FKBP6: variants seen among roughly 807,000 people sequenced by gnomAD.
The protein encoded by FKBP6 is inactive peptidyl-prolyl cis-trans isomerase FKBP6.
In FKBP6, 29 loss-of-function variants were observed where a neutral mutation model predicts 41.7. The ratio of observed to expected loss-of-function variants is 0.70; its 90% confidence interval spans 0.52 to 0.95. The LOEUF (loss-of-function observed/expected upper bound fraction) is 0.95, where lower values mean the gene tolerates loss of function less well. Among genes scored for constraint, FKBP6 ranks in the 40% least tolerant of loss-of-function variants. The pLI is 0.00. For synonymous variants in FKBP6, 130 were observed against 165.1 expected (o/e 0.79, Z 1.63); for missense variants, 338 against 408.7 (o/e 0.83, Z 1.49).
intron 5 of FKBP6, among the ~76,000 whole-genome samples, chr7:73,333,042 C>T (rs938992045): frequency 3.9e-5 from 6 of 152,076 alleles, no homozygotes; most frequent in Admixed American, 3.3e-4. Context: ...GAGGCTGAGG[C>T]GAGTGGATAG....
Position 73,340,736 on chromosome 7 carries a change from C to A in FKBP6, c.687C>A (p.Tyr229Ter). The change falls in exon 6 of 9, where the codon TAC (tyrosine) becomes TAA (stop). Residue 229 changes from tyrosine (Y) to a stop codon, truncating the protein, a stop_gained. Coordinates refer to ENST00000252037, the MANE Select transcript of FKBP6 (RefSeq NM_003602.5). LOFTEE classifies it high-confidence loss of function. ...TTCTCCTGAACCTGTCCTTTACATACCTGAAGCTAGACCGACCCACCATAG... is the reference window on the plus strand; with the variant it reads ...TTCTCCTGAACCTGTCCTTTACATAACTGAAGCTAGACCGACCCACCATAG... ...LPVLLNLSFT[Y>*]LKLDRPTIAL... 6.2e-7 allele frequency: 1 copy of A among 1,613,864 alleles called. No individual in the cohort carries two copies. The highest frequency in any genetic ancestry group is 8.5e-7 in the Non-Finnish European group (1 of 1,179,934).
At position 73,357,837 on chromosome 7, in the gene FKBP6, A is replaced by C. The variant is rs944623748; in HGVS notation, c.*3-344A>C. 9.9e-5 allele frequency among the ~76,000 whole-genome samples: 15 copies of C among 151,996 alleles called. 1 individual carries two copies. The highest frequency in any genetic ancestry group is 3.6e-4 in the African/African-American group (15 of 41,482). On this transcript the variant is annotated intron_variant, in intron 8 of 8. Coordinates refer to ENST00000252037, the MANE Select transcript of FKBP6 (RefSeq NM_003602.5). ...CTGTCTCTACTAAAAATGCAAAAAA[A>C]AGTATCCAGGCGTGGTGGTGCGTGC...
chr7:73,330,085 GA>G (rs1804787632), intron 3 of FKBP6, 64 bp from the exon 4 acceptor site: 1 of 1,244,978 alleles, frequency 8.0e-7, no homozygotes, highest in Non-Finnish European at 1.2e-6. Flanking sequence ...AGAGGGGGAA[GA>G]AACTGATAGC....
chr7:73,333,528 T>C (rs962766745), intron 5 of FKBP6, among the ~76,000 whole-genome samples: 2 of 152,112 alleles, frequency 1.3e-5, no homozygotes, highest in South Asian at 4.1e-4. Flanking sequence ...TCCAGAAAGC[T>C]CTTAACATAA....
At chr7:73,348,121 T>C (rs1330351004) in intron 8 of FKBP6, among the ~76,000 whole-genome samples, 1 of 152,068 alleles carries the variant, frequency 6.6e-6, no homozygotes, top group Non-Finnish European at 1.5e-5. Context: ...GTCATCTTGT[T>C]ATGGGACACC....
chr7:73,351,967 G>A (rs1347928805), intron 8 of FKBP6, among the ~76,000 whole-genome samples: 1 of 152,062 alleles, frequency 6.6e-6, no homozygotes, highest in African/African-American at 2.4e-5. Flanking sequence ...GGGTGAAGCT[G>A]AATCACTTTT....
At chr7:73,328,920 C>G (rs1804732142) in intron 2 of FKBP6, among the ~76,000 whole-genome samples, 1 of 152,082 alleles carries the variant, frequency 6.6e-6, no homozygotes, top group Non-Finnish European at 1.5e-5. Flanking sequence ...GATTCTCCTG[C>G]CTCAGCCTCC....
chr7:73,347,885 TCCTC>T (rs1406900999), intron 8 of FKBP6, among the ~76,000 whole-genome samples: 1 of 152,200 alleles, frequency 6.6e-6, no homozygotes, highest in Non-Finnish European at 1.5e-5. Flanking sequence ...GCTCAAGTGA[TCCTC>T]CCTCCTTGGC....
Position 73,328,523 on chromosome 7 carries a change from G to T in FKBP6, c.57+38G>T, listed in dbSNP as rs1284436349. On this transcript the variant is annotated intron_variant, in intron 1 of 8. Transcript: ENST00000252037. ...ACGTTTCGGGGGCGTAGACGCTGAG[G>T]GGTGGCCGGGTGGGTCTGCGGCTCT... 5.2e-6 allele frequency: 8 copies of T among 1,552,406 alleles called. No homozygotes were observed. In the Admixed American group the frequency reaches 1.1e-4, roughly 22 times the overall value.
chr7:73,347,149 G>A (rs1467620750), intron 8 of FKBP6, among the ~76,000 whole-genome samples: 1 of 152,136 alleles, frequency 6.6e-6, no homozygotes, highest in Non-Finnish European at 1.5e-5. Context: ...CTTCTAGGTT[G>A]TTTTGCTAGT....
intron 5 of FKBP6, among the ~76,000 whole-genome samples, chr7:73,333,943 G>A (rs1172912144): frequency 6.6e-6 from 1 of 152,026 alleles, no homozygotes; most frequent in Non-Finnish European, 1.5e-5. Flanking sequence ...GTGTTGGTGG[G>A]TGCCCATAGT....
intron 5 of FKBP6, among the ~76,000 whole-genome samples, chr7:73,338,841 G>A (rs1467472130): frequency 6.6e-6 from 1 of 152,212 alleles, no homozygotes; most frequent in Non-Finnish European, 1.5e-5. Flanking sequence ...GTACTGAGGA[G>A]TAAATGTTGC....
At chr7:73,328,747 A>G (rs1804725342) in intron 2 of FKBP6, 55 bp downstream of exon 2, 3 of 1,611,326 alleles carry the variant, frequency 1.9e-6, no homozygotes, top group Non-Finnish European at 1.7e-6. Context: ...TCTGTTGGGA[A>G]GAGAGAGGCC....
Position 73,340,720 on chromosome 7 carries a change from A to C in FKBP6, c.671A>C (p.Asn224Thr). ...GCCGCCAAGCTTCCTGTTCTCCTGA[A>C]CCTGTCCTTTACATACCTGAAGCTA... ...VEAAKLPVLL[N>T]LSFTYLKLDR... Residue 224 changes from asparagine to threonine, a missense_variant, in exon 6 of 9, where the codon AAC (asparagine) becomes ACC (threonine). Coordinates refer to ENST00000252037, the MANE Select transcript of FKBP6 (RefSeq NM_003602.5). 1 of 1,613,466 alleles carries C rather than the reference A, an allele frequency of 6.2e-7. No individual in the cohort carries two copies.
At chr7:73,332,328 A>G (rs1015205357) in intron 5 of FKBP6, among the ~76,000 whole-genome samples, 1 of 151,990 alleles carries the variant, frequency 6.6e-6, no homozygotes, top group Non-Finnish European at 1.5e-5. Context: ...TACTAAAAAT[A>G]CAAAATTAGC....
At chr7:73,348,535 CACCA>C (rs1454607830) in intron 8 of FKBP6, among the ~76,000 whole-genome samples, 1 of 152,234 alleles carries the variant, frequency 6.6e-6, no homozygotes, top group Admixed American at 6.5e-5. Context: ...ATTTTCCCCA[CACCA>C]ACCAATTCTG....
chr7:73,349,712 C>CAAA (rs1213747722), intron 8 of FKBP6, among the ~76,000 whole-genome samples: 20 of 27,686 alleles, frequency 7.2e-4, no homozygotes, highest in Non-Finnish European at 9.6e-4. Flanking sequence ...GACTCCGTCT[C>CAAA]AAAAAAAAAA....
chr7:73,334,138 A>G (rs1459680998), intron 5 of FKBP6, among the ~76,000 whole-genome samples: 2 of 152,026 alleles, frequency 1.3e-5, no homozygotes, highest in African/African-American at 2.4e-5. Flanking sequence ...TCTTACTACT[A>G]CTTAGGTTCT....
chr7:73,349,900 G>T (rs989374204), intron 8 of FKBP6, among the ~76,000 whole-genome samples: 1 of 151,876 alleles, frequency 6.6e-6, no homozygotes, highest in Admixed American at 6.6e-5. Context: ...AGGTTGCTTC[G>T]GCCCTTCCCT....
Sources: allele counts gnomAD v4.1 joint callset (sites outside exome capture counted in the v4.1 genomes callset), GRCh38; gene constraint gnomAD v4.1.1; transcripts MANE v1.5; gene names NCBI Gene and HGNC (gene_info 2026-07-23, HGNC 2026-07-21).